FAAH2: variants seen among roughly 807,000 people sequenced by gnomAD.
FAAH2 encodes the protein fatty-acid amide hydrolase 2.
A neutral mutation model predicts 36.9 loss-of-function variants in FAAH2; 60 were observed. That is an observed-to-expected ratio of 1.63 (90% CI 1.32 to 2.02). The LOEUF is 2.02. FAAH2 is among the 30% of genes most tolerant of loss of function. The probability of loss-of-function intolerance (pLI) is 0.00; values close to 1 mark genes in which losing one functional copy is unlikely to be tolerated. For synonymous variants in FAAH2, 214 were observed against 143.8 expected, an observed-to-expected ratio of 1.49 and a Z score of -3.49; for missense variants, 689 against 397.5, an observed-to-expected ratio of 1.73 and a Z score of -6.23.
the FAAH2 span, among the ~76,000 whole-genome samples, chrX:57,247,699 C>T: frequency 1.4e-4 from 16 of 111,825 alleles, no homozygotes; most frequent in Admixed American, 1.4e-3. Context: ...AGTAAAAGAC[C>T]AGGACAAGTG....
At chrX:57,437,761 T>C (rs1022725392) in intron 8 of FAAH2, among the ~76,000 whole-genome samples, 11 of 103,053 alleles carry the variant, frequency 1.1e-4, no homozygotes, top group Admixed American at 3.3e-4. Flanking sequence ...TTTATATTTA[T>C]ATTGAAATAT....
chrX:57,154,009 A>T, the FAAH2 span, among the ~76,000 whole-genome samples: 1 of 112,050 alleles, frequency 8.9e-6, no homozygotes, highest in East Asian at 2.8e-4. Context: ...TCTTAGGTTG[A>T]GTTGTTTAAG....
chrX:57,264,346 A>G, the FAAH2 span, among the ~76,000 whole-genome samples: 3 of 112,743 alleles, frequency 2.7e-5, no homozygotes, highest in East Asian at 8.3e-4. Flanking sequence ...CTTAAAATAA[A>G]CAATCCCATT....
At chrX:57,419,892 T>G (rs1385228184) in intron 7 of FAAH2, among the ~76,000 whole-genome samples, 2 of 111,951 alleles carry the variant, frequency 1.8e-5, no homozygotes, top group African/African-American at 3.2e-5. Flanking sequence ...AATTGATTTT[T>G]GTATAAGGTG....
the FAAH2 span, among the ~76,000 whole-genome samples, chrX:57,270,771 T>C: frequency 9.0e-6 from 1 of 111,079 alleles, no homozygotes; most frequent in African/African-American, 3.3e-5. Context: ...CCCATGAGGG[T>C]CTAAGCCTGA....
chrX:57,173,800 GT>G, the FAAH2 span, among the ~76,000 whole-genome samples: 4 of 111,207 alleles, frequency 3.6e-5, no homozygotes, highest in Non-Finnish European at 5.7e-5. Flanking sequence ...ATTATTGAAT[GT>G]TTTTTTCTTA....
rs1555979965 is a variant in FAAH2 at position 57,352,020 on chromosome X, G to GTATATA, written c.742+10641_742+10646dup. ...TAAGGAAGCAAATATATGTGTGTGT[G>GTATATA]TATATATATATATATACATATATAT... On this transcript the variant is annotated intron_variant, in intron 5 of 10. Coordinates refer to ENST00000374900, the MANE Select transcript of FAAH2 (RefSeq NM_174912.4). Among the ~76,000 whole-genome samples the GTATATA allele has an allele frequency of 9.0e-4, 7 of 7,763 alleles. No homozygotes were observed. The Non-Finnish European group carries it at 0.013, about 14-fold the overall frequency. The allele number at this position is 7,763 out of a possible 115,157, so 6.7% of individuals were successfully genotyped here. A position where few individuals can be genotyped will look rare whatever the true frequency, so the allele number is the denominator to read the frequency against.
chrX:57,179,637 C>T, the FAAH2 span, among the ~76,000 whole-genome samples: 1 of 111,704 alleles, frequency 9.0e-6, no homozygotes, highest in African/African-American at 3.3e-5. Flanking sequence ...TAGAGACCAT[C>T]AAAGAAAGTT....
At chrX:57,283,900 G>T (rs1187588662), upstream of FAAH2, among the ~76,000 whole-genome samples, 1 of 111,840 alleles carries the variant, frequency 8.9e-6, no homozygotes, top group Non-Finnish European at 1.9e-5. Flanking sequence ...CAGAGTGATT[G>T]TGCTTGGGGC....
the FAAH2 span, among the ~76,000 whole-genome samples, chrX:57,280,312 C>G: frequency 8.2e-5 from 9 of 110,130 alleles, no homozygotes; most frequent in Non-Finnish European, 1.5e-4. Context: ...AGAAACAAAA[C>G]GACTGGGCTT....
At chrX:57,196,080 TG>T in the FAAH2 span, among the ~76,000 whole-genome samples, 1 of 112,010 alleles carries the variant, frequency 8.9e-6, no homozygotes, top group African/African-American at 3.2e-5. Context: ...TTAGGCTATG[TG>T]GGCTCCTTTT....
intron 3 of FAAH2, among the ~76,000 whole-genome samples, chrX:57,318,425 G>GA (rs1387849599): frequency 9.0e-6 from 1 of 111,585 alleles, no homozygotes; most frequent in Non-Finnish European, 1.9e-5. Flanking sequence ...AGAAAAAATG[G>GA]AAAAATTCCT....
At chrX:57,182,538 A>T in the FAAH2 span, among the ~76,000 whole-genome samples, 1 of 111,342 alleles carries the variant, frequency 9.0e-6, no homozygotes, top group African/African-American at 3.3e-5. Flanking sequence ...AATAATGGCT[A>T]TTATTAAAAA....
chrX:57,304,884 C>T (rs2052477023), intron 2 of FAAH2, among the ~76,000 whole-genome samples: 1 of 111,435 alleles, frequency 9.0e-6, no homozygotes, highest in African/African-American at 3.3e-5. Flanking sequence ...CAATAATTGG[C>T]ACATAAAATA....
chrX:57,250,471 C>A, the FAAH2 span, among the ~76,000 whole-genome samples: 20 of 111,097 alleles, frequency 1.8e-4, no homozygotes, highest in Non-Finnish European at 3.8e-4. Flanking sequence ...TAACAATGTA[C>A]TATATTCTTA....
intron 10 of FAAH2, among the ~76,000 whole-genome samples, chrX:57,473,221 T>C (rs2057202325): frequency 8.9e-6 from 1 of 111,785 alleles, no homozygotes; most frequent in South Asian, 3.7e-4. Context: ...TGTTTTGTTA[T>C]ATTGTGTCTG....
intron 4 of FAAH2, among the ~76,000 whole-genome samples, chrX:57,339,667 C>T (rs770042481): frequency 8.9e-6 from 1 of 112,364 alleles, no homozygotes; most frequent in Non-Finnish European, 1.9e-5. Context: ...CATCACTGAT[C>T]ATTAGAGAAA....
chrX:57,173,974 A>AT, the FAAH2 span, among the ~76,000 whole-genome samples: 3 of 110,598 alleles, frequency 2.7e-5, no homozygotes, highest in Non-Finnish European at 3.8e-5. Flanking sequence ...GTTTGGTAGT[A>AT]TTTTTTCAGG....
chrX:57,223,527 C>T, the FAAH2 span, among the ~76,000 whole-genome samples: 1 of 111,214 alleles, frequency 9.0e-6, no homozygotes, highest in African/African-American at 3.3e-5. Context: ...CCTTTCCAGC[C>T]ATGTTTGAGA....
Sources: allele counts gnomAD v4.1 joint callset (sites outside exome capture counted in the v4.1 genomes callset), GRCh38; gene constraint gnomAD v4.1.1; transcripts MANE v1.5; gene names NCBI Gene and HGNC (gene_info 2026-07-23, HGNC 2026-07-21).